The following KCNH5 variants were observed in gnomAD, a reference collection of about 807,000 sequenced individuals.
The protein encoded by KCNH5 is potassium voltage-gated channel subfamily H member 5, also known as voltage-gated delayed rectifier potassium channel KCNH5.
A neutral mutation model predicts 96.1 loss-of-function variants in KCNH5; 46 were observed. That is an observed-to-expected ratio of 0.48 (90% CI 0.38 to 0.61). The LOEUF (loss-of-function observed/expected upper bound fraction) is 0.61. KCNH5 is among the 20% of genes least tolerant of loss of function. KCNH5 has a pLI of 0.00. For synonymous variants in KCNH5, 439 were observed against 449.8 expected (o/e 0.98, Z 0.30); for missense variants, 907 against 1,225.8 (o/e 0.74, Z 3.88).
chr14:62,911,728 T>A (rs1318094308), intron 7 of KCNH5, among the ~76,000 whole-genome samples: 1 of 151,884 alleles, frequency 6.6e-6, no homozygotes, highest in East Asian at 1.9e-4. Context: ...CTAGCTTTTT[T>A]TTTTTTTAAC....
At chr14:62,795,327 G>A (rs1247361858) in intron 9 of KCNH5, among the ~76,000 whole-genome samples, 1 of 152,076 alleles carries the variant, frequency 6.6e-6, no homozygotes, top group Admixed American at 6.6e-5. Context: ...ATACCTGTGG[G>A]TTTCTCATCA....
chr14:62,914,638 G>A (rs145934079), intron 7 of KCNH5, among the ~76,000 whole-genome samples: 309 of 152,086 alleles, frequency 2.0e-3, no homozygotes, highest in African/African-American at 7.1e-3. Context: ...TGTTTCTTTG[G>A]AGGTCCTTTG....
chr14:62,917,359 T>G (rs543258165), intron 7 of KCNH5, among the ~76,000 whole-genome samples: 4 of 152,078 alleles, frequency 2.6e-5, no homozygotes, highest in African/African-American at 4.8e-5. Flanking sequence ...GTTAGGTTTT[T>G]TTTTTTTTTT....
chr14:62,759,571 A>ATTTTTTTTTTTTTTTTTTTTTTTT (rs1885699933), intron 10 of KCNH5, among the ~76,000 whole-genome samples: 1 of 151,112 alleles, frequency 6.6e-6, no homozygotes, highest in African/African-American at 2.4e-5. Flanking sequence ...GGCGTAGGGT[A>ATTTTTTTTTTTTTTTTTTTTTTTT]TATTTTTTAA....
At chr14:62,727,092 G>A (rs1884942996) in intron 10 of KCNH5, among the ~76,000 whole-genome samples, 1 of 152,104 alleles carries the variant, frequency 6.6e-6, no homozygotes, top group Non-Finnish European at 1.5e-5. Context: ...GGGGCAGGCA[G>A]AGTGGCTTGT....
intron 1 of KCNH5, among the ~76,000 whole-genome samples, chr14:63,025,473 A>T (rs1891506687): frequency 6.6e-6 from 1 of 152,110 alleles, no homozygotes; most frequent in Non-Finnish European, 1.5e-5. Flanking sequence ...TGTAGAAAAA[A>T]ACTAAAGACT....
chr14:62,892,635 T>C (rs1376429503), intron 7 of KCNH5, among the ~76,000 whole-genome samples: 1 of 152,172 alleles, frequency 6.6e-6, no homozygotes, highest in Non-Finnish European at 1.5e-5. Flanking sequence ...ATGTCTGGCT[T>C]CAAAACCTCA....
intron 7 of KCNH5, chr14:62,949,800 C>CT (rs10523496): frequency 0.042 from 7,044 of 168,208 alleles, 213 homozygotes; most frequent in East Asian, 0.088. Flanking sequence ...GATCCTATCT[C>CT]TTTTTTTTTT....
At chr14:63,045,041 T>G in intron 1 of KCNH5, 73 bp downstream of exon 1, 1 of 1,151,378 alleles carries the variant, frequency 8.7e-7, no homozygotes, top group Non-Finnish European at 1.3e-6. Context: ...GGGAGAGGGA[T>G]GGGATGGGGA....
At chr14:62,909,555 T>C (rs1432474132) in intron 7 of KCNH5, among the ~76,000 whole-genome samples, 2 of 152,232 alleles carry the variant, frequency 1.3e-5, no homozygotes, top group Non-Finnish European at 2.9e-5. Context: ...ACACCTTGTA[T>C]GCAATTGGTC....
chr14:62,924,023 T>G (rs1340632149), intron 7 of KCNH5, among the ~76,000 whole-genome samples: 1 of 151,812 alleles, frequency 6.6e-6, no homozygotes, highest in Non-Finnish European at 1.5e-5. Context: ...ATTATCAAAA[T>G]GAAAAGGCGA....
intron 8 of KCNH5, among the ~76,000 whole-genome samples, chr14:62,813,803 T>C (rs548723880): frequency 6.6e-6 from 1 of 152,326 alleles, no homozygotes; most frequent in Non-Finnish European, 1.5e-5. Context: ...TTCCTGGGAA[T>C]GAGGAGCTTA....
rs1177777565 is a variant in KCNH5, at chr14:62,822,816, A to T, written c.1570-20235T>A. The stretch of plus-strand genomic sequence containing the variant: ...ATAGAGTAGGTACACACATTAAAAG[A>T]AATAAAAAAGAACACCAAAAATTTA... On this transcript the variant is annotated intron_variant, in intron 8 of 10. Transcript: ENST00000322893. Among the ~76,000 whole-genome samples the T allele has an allele frequency of 2.0e-5, 3 of 152,244 alleles. No individual in the cohort carries two copies. In the East Asian group the frequency reaches 5.8e-4, roughly 29 times the overall value.
intron 9 of KCNH5, among the ~76,000 whole-genome samples, chr14:62,782,268 CAT>C (rs1566658842): frequency 2.0e-5 from 3 of 152,104 alleles, no homozygotes; most frequent in Non-Finnish European, 4.4e-5. Context: ...CTGAGAGAAA[CAT>C]AGGGCTTGAT....
intron 1 of KCNH5, among the ~76,000 whole-genome samples, chr14:63,025,820 A>C (rs930210169): frequency 6.6e-6 from 1 of 151,594 alleles, no homozygotes; most frequent in South Asian, 2.1e-4. Context: ...ATGTAATTCC[A>C]ACCAAAACCC....
chr14:62,902,567 A>C (rs546328844), intron 7 of KCNH5, among the ~76,000 whole-genome samples: 1 of 152,292 alleles, frequency 6.6e-6, no homozygotes, highest in East Asian at 1.9e-4. Context: ...CAGGCAATAT[A>C]GTATATTTTG....
At chr14:62,769,157 C>A (rs557697726) in intron 10 of KCNH5, among the ~76,000 whole-genome samples, 1 of 152,220 alleles carries the variant, frequency 6.6e-6, no homozygotes, top group African/African-American at 2.4e-5. Context: ...AGCACCTTAC[C>A]TCCCTTAACT....
At chr14:63,013,151 G>A (rs1039659285) in intron 2 of KCNH5, among the ~76,000 whole-genome samples, 2 of 151,814 alleles carry the variant, frequency 1.3e-5, no homozygotes, top group Non-Finnish European at 2.9e-5. Flanking sequence ...TAAGAAAACA[G>A]AAGAAAGAAA....
At chr14:62,931,836 G>A (rs148653428) in intron 7 of KCNH5, among the ~76,000 whole-genome samples, 2 of 152,248 alleles carry the variant, frequency 1.3e-5, no homozygotes, top group African/African-American at 4.8e-5. Flanking sequence ...CAGCAGACTA[G>A]AGAGGATCCC....
Sources: allele counts gnomAD v4.1 joint callset (sites outside exome capture counted in the v4.1 genomes callset), GRCh38; gene constraint gnomAD v4.1.1; transcripts MANE v1.5; gene names NCBI Gene and HGNC (gene_info 2026-07-23, HGNC 2026-07-21).